KLHL29: variants seen among roughly 807,000 people sequenced by gnomAD.
KLHL29 encodes the protein kelch like family member 29.
A neutral mutation model predicts 80.4 loss-of-function variants in KLHL29; 21 were observed. That is an observed-to-expected ratio of 0.26 (90% CI 0.19 to 0.38). The LOEUF (loss-of-function observed/expected upper bound fraction) is 0.38, where lower values mean the gene tolerates loss of function less well. Among genes scored for constraint, KLHL29 ranks in the 10% least tolerant of loss-of-function variants. The pLI is 1.00. For synonymous variants in KLHL29, 511 were observed against 526.8 expected (o/e 0.97, Z 0.41); for missense variants, 867 against 1,223.9 (o/e 0.71, Z 4.35).
In KLHL29 at chr2:23,707,182, T is replaced by G. The variant is rs1308186271; in HGVS notation, c.*518T>G. 1 of 152,284 alleles carries G rather than the reference T, an allele frequency of 6.6e-6. No individual in the cohort carries two copies. Among genetic ancestry groups the G allele is most frequent in the African/African-American group, 2.4e-5 (1 of 41,464 alleles). 9.4% of individuals were successfully genotyped at this position (152,284 alleles called of 1,614,324 possible). A position where few individuals can be genotyped will look rare whatever the true frequency, so the allele number is the denominator to read the frequency against. On this transcript the variant is annotated 3_prime_UTR_variant, in exon 14 of 14. Coordinates refer to ENST00000486442, the MANE Select transcript of KLHL29 (RefSeq NM_052920.2). ...CTGTGCATCACAAGGCCTAGGAGGCTGCTGGTCCCCACTGGGGCTGAAGAG... is the reference window on the plus strand; with the variant it reads ...CTGTGCATCACAAGGCCTAGGAGGCGGCTGGTCCCCACTGGGGCTGAAGAG...
intron 1 of KLHL29, among the ~76,000 whole-genome samples, chr2:23,428,305 G>A (rs1427493579): frequency 4.6e-5 from 7 of 152,226 alleles, no homozygotes. Flanking sequence ...CTGCATGTGA[G>A]GCTTGGGACC....
intron 1 of KLHL29, among the ~76,000 whole-genome samples, chr2:23,460,961 T>C (rs1172520534): frequency 6.6e-6 from 1 of 152,192 alleles, no homozygotes; most frequent in Non-Finnish European, 1.5e-5. Flanking sequence ...GCCATAGATA[T>C]CATACCAAGT....
intron 5 of KLHL29, among the ~76,000 whole-genome samples, chr2:23,661,632 C>T (rs1049635715): frequency 2.6e-5 from 4 of 152,372 alleles, no homozygotes; most frequent in South Asian, 2.1e-4. Flanking sequence ...TGGCTTTACT[C>T]GTGGCCGAGT....
chr2:23,463,588 G>A (rs1664273208), intron 1 of KLHL29, among the ~76,000 whole-genome samples: 1 of 152,102 alleles, frequency 6.6e-6, no homozygotes, highest in Non-Finnish European at 1.5e-5. Flanking sequence ...GTGAATGTAG[G>A]CAGAGGTCTC....
chr2:23,642,562 G>A lies in KLHL29; in HGVS notation c.652G>A (p.Val218Met). 6.5e-7 allele frequency: 1 copy of A among 1,548,928 alleles called. No homozygotes were observed. Among genetic ancestry groups the A allele is most frequent in the Non-Finnish European group, 8.7e-7 (1 of 1,145,622 alleles). Reference protein sequence around the residue: ...QPPSQPLSSVVVNMPAQALYA... With the variant: ...QPPSQPLSSVMVNMPAQALYA... ...GCCCTCTCAGCCACTGAGCAGCGTG[G>A]TGGTCAACATGCCTGCCCAGGCCCT... The change falls in exon 5 of 14, where the codon GTG becomes ATG. Residue 218 changes from valine to methionine, a missense_variant. Transcript: ENST00000486442.
At chr2:23,535,683 A>G (rs1572385244) in intron 2 of KLHL29, among the ~76,000 whole-genome samples, 1 of 152,356 alleles carries the variant, frequency 6.6e-6, no homozygotes, top group East Asian at 1.9e-4. Context: ...GTATGAGTCC[A>G]CTTATACGAG....
intron 2 of KLHL29, among the ~76,000 whole-genome samples, chr2:23,553,825 C>A (rs1667191254): frequency 6.6e-6 from 1 of 152,132 alleles, no homozygotes; most frequent in Non-Finnish European, 1.5e-5. Flanking sequence ...TCGGGCAGCT[C>A]CAGTGGAGGA....
chr2:23,627,591 C>T (rs1231077662), intron 3 of KLHL29, among the ~76,000 whole-genome samples: 5 of 152,218 alleles, frequency 3.3e-5, no homozygotes, highest in African/African-American at 9.7e-5. Flanking sequence ...GTGCACCTTG[C>T]GTCTGAGGAG....
chr2:23,393,830 G>A (rs1384393637), intron 1 of KLHL29, among the ~76,000 whole-genome samples: 1 of 152,302 alleles, frequency 6.6e-6, no homozygotes, highest in East Asian at 1.9e-4. Context: ...TTTGGGGTGT[G>A]GGGAGGCTGG....
chr2:23,564,261 G>A (rs544154722), intron 3 of KLHL29, among the ~76,000 whole-genome samples: 78 of 152,334 alleles, frequency 5.1e-4, no homozygotes, highest in African/African-American at 1.8e-3. Context: ...TTGCTCCAGA[G>A]TGGCTTGATA....
chr2:23,506,497 T>A (rs1476199682), intron 2 of KLHL29, among the ~76,000 whole-genome samples: 1 of 152,226 alleles, frequency 6.6e-6, no homozygotes, highest in Non-Finnish European at 1.5e-5. Context: ...GGTCTTTTAT[T>A]AATTGTTGTT....
intron 1 of KLHL29, among the ~76,000 whole-genome samples, chr2:23,462,316 A>C (rs1055045183): frequency 1.5e-4 from 23 of 152,138 alleles, no homozygotes; most frequent in African/African-American, 5.6e-4. Flanking sequence ...TCCTGAGAGG[A>C]AACAGGCTCT....
At chr2:23,489,058 G>A (rs80305130) in intron 2 of KLHL29, among the ~76,000 whole-genome samples, 1 of 152,146 alleles carries the variant, frequency 6.6e-6, no homozygotes, top group Non-Finnish European at 1.5e-5. Flanking sequence ...GTATTGTTTA[G>A]GGAAGGGAGG....
intron 2 of KLHL29, among the ~76,000 whole-genome samples, chr2:23,532,904 T>C (rs1448289089): frequency 2.0e-5 from 3 of 152,142 alleles, no homozygotes; most frequent in African/African-American, 4.8e-5. Flanking sequence ...GCCCCACAGC[T>C]GTGTGTGCAC....
At chr2:23,405,842 G>A (rs1315384357) in intron 1 of KLHL29, among the ~76,000 whole-genome samples, 1 of 152,180 alleles carries the variant, frequency 6.6e-6, no homozygotes, top group Non-Finnish European at 1.5e-5. Context: ...GCAAATCCAG[G>A]AAGGCTTCAT....
chr2:23,551,290 C>G (rs896923731), intron 2 of KLHL29, among the ~76,000 whole-genome samples: 3 of 152,086 alleles, frequency 2.0e-5, no homozygotes, highest in African/African-American at 7.2e-5. Context: ...AGCAATAGCA[C>G]AAATGCCTAG....
chr2:23,701,793 CTTTT>C (rs70941586), intron 11 of KLHL29, among the ~76,000 whole-genome samples: 83 of 22,518 alleles, frequency 3.7e-3, no homozygotes, highest in Middle Eastern at 0.042. Context: ...CTTTTTTTTG[CTTTT>C]TTTTTTTTTT....
intron 2 of KLHL29, among the ~76,000 whole-genome samples, chr2:23,499,290 C>T (rs1665362465): frequency 6.6e-6 from 1 of 152,116 alleles, no homozygotes; most frequent in African/African-American, 2.4e-5. Context: ...TTTAGAGCAG[C>T]CCTACCTCTC....
intron 2 of KLHL29, among the ~76,000 whole-genome samples, chr2:23,505,318 C>G (rs536184947): frequency 6.6e-6 from 1 of 152,342 alleles, no homozygotes; most frequent in Non-Finnish European, 1.5e-5. Context: ...CCTCCCCGAC[C>G]TCCGTGGAGG....
Sources: gnomAD v4.1 joint callset for allele counts (sites outside exome capture counted in the v4.1 genomes callset) on GRCh38, gnomAD v4.1.1 for gene constraint, MANE v1.5 for transcripts, NCBI Gene and HGNC (gene_info 2026-07-23, HGNC 2026-07-21) for gene names.